KHDRBS2: variants seen among roughly 807,000 people sequenced by gnomAD.
KHDRBS2 encodes KH domain-containing, RNA-binding, signal transduction-associated protein 2.
A neutral mutation model predicts 44.3 loss-of-function variants in KHDRBS2; 26 were observed. The observed-to-expected ratio is 0.59, with a 90% confidence interval of 0.43 to 0.81. The LOEUF is 0.81. KHDRBS2 is among the 40% of genes least tolerant of loss of function. The pLI is 0.00. For missense variants in KHDRBS2, 476 were observed against 433.1 expected (o/e 1.10, Z -0.88); for synonymous variants, 194 against 151.1 (o/e 1.28, Z -2.08).
intron 6 of KHDRBS2, among the ~76,000 whole-genome samples, chr6:61,881,309 CTT>C (rs1333917439): frequency 1.3e-5 from 2 of 151,386 alleles, no homozygotes; most frequent in Non-Finnish European, 2.9e-5. Flanking sequence ...AGTGGTGTGA[CTT>C]TAGTCAGTTA....
At chr6:62,091,234 G>C (rs1181241060) in intron 2 of KHDRBS2, among the ~76,000 whole-genome samples, 1 of 152,062 alleles carries the variant, frequency 6.6e-6, no homozygotes, top group African/African-American at 2.4e-5. Flanking sequence ...AAGCCCAAAG[G>C]TCACTGAGTC....
chr6:61,730,937 C>T (rs1774341193), intron 7 of KHDRBS2, among the ~76,000 whole-genome samples: 1 of 151,964 alleles, frequency 6.6e-6, no homozygotes, highest in Non-Finnish European at 1.5e-5. Flanking sequence ...GTTAAGCTCA[C>T]TTAAATCTCA....
intron 3 of KHDRBS2, among the ~76,000 whole-genome samples, chr6:61,985,185 T>C (rs1375830249): frequency 6.6e-6 from 1 of 152,190 alleles, no homozygotes. Flanking sequence ...ATCAACCTTA[T>C]GAATCTTTAC....
chr6:62,115,624 A>C (rs1224380144), intron 2 of KHDRBS2, among the ~76,000 whole-genome samples: 1 of 152,188 alleles, frequency 6.6e-6, no homozygotes, highest in Non-Finnish European at 1.5e-5. Flanking sequence ...TCCGCAAATG[A>C]TTGCTAAAGG....
At chr6:62,091,048 T>C (rs551378929) in intron 2 of KHDRBS2, among the ~76,000 whole-genome samples, 8 of 152,142 alleles carry the variant, frequency 5.3e-5, no homozygotes, top group Non-Finnish European at 1.0e-4. Context: ...TACTGTTCAT[T>C]GCAACCTAGC....
At chr6:62,004,203 A>G (rs183648233) in intron 3 of KHDRBS2, among the ~76,000 whole-genome samples, 2 of 152,298 alleles carry the variant, frequency 1.3e-5, no homozygotes, top group Admixed American at 6.5e-5. Flanking sequence ...CAAAAAATCC[A>G]TGAATCCAGG....
At chr6:62,017,154 A>G (rs1173656977) in intron 3 of KHDRBS2, among the ~76,000 whole-genome samples, 2 of 152,112 alleles carry the variant, frequency 1.3e-5, no homozygotes, top group Non-Finnish European at 2.9e-5. Context: ...CTTTCTTCCT[A>G]ATCTTCAGAT....
intron 3 of KHDRBS2, among the ~76,000 whole-genome samples, chr6:61,987,281 A>G (rs1420611655): frequency 6.6e-6 from 1 of 152,186 alleles, no homozygotes; most frequent in Non-Finnish European, 1.5e-5. Flanking sequence ...ACAATATGCT[A>G]AATTATATAT....
chr6:62,223,809 C>G (rs1026064491), intron 1 of KHDRBS2, among the ~76,000 whole-genome samples: 2 of 152,150 alleles, frequency 1.3e-5, no homozygotes, highest in East Asian at 1.9e-4. Context: ...CAGTTCCCAA[C>G]AAATTCCTCA....
intron 3 of KHDRBS2, among the ~76,000 whole-genome samples, chr6:62,022,517 G>T (rs542198481): frequency 6.6e-6 from 1 of 151,678 alleles, no homozygotes; most frequent in South Asian, 2.1e-4. Flanking sequence ...CAAATTATTT[G>T]TGTACTATAT....
intron 6 of KHDRBS2, among the ~76,000 whole-genome samples, chr6:61,794,642 G>A (rs558035068): frequency 6.6e-6 from 1 of 152,184 alleles, no homozygotes; most frequent in Admixed American, 6.5e-5. Flanking sequence ...AGTAGTGGAA[G>A]CTCTGCAAAT....
intron 6 of KHDRBS2, among the ~76,000 whole-genome samples, chr6:61,856,974 C>T (rs1796247920): frequency 1.3e-5 from 2 of 152,058 alleles, no homozygotes; most frequent in Non-Finnish European, 2.9e-5. Context: ...AAGACTCTGG[C>T]CTTCCTCACA....
intron 7 of KHDRBS2, among the ~76,000 whole-genome samples, chr6:61,701,463 A>G (rs1483076767): frequency 6.6e-6 from 1 of 151,968 alleles, no homozygotes; most frequent in African/African-American, 2.4e-5. Flanking sequence ...CTTTGCTACC[A>G]TATATGACCC....
At chr6:61,587,108 A>T in the KHDRBS2 span, among the ~76,000 whole-genome samples, 2 of 152,096 alleles carry the variant, frequency 1.3e-5, no homozygotes, top group Admixed American at 6.6e-5. Context: ...TCCCCCACCA[A>T]CACTCTGTGC....
intron 2 of KHDRBS2, among the ~76,000 whole-genome samples, chr6:62,066,176 T>C (rs925138985): frequency 2.6e-5 from 4 of 151,756 alleles, no homozygotes; most frequent in Admixed American, 1.3e-4. Flanking sequence ...ACAGTCCTAA[T>C]CTTAATTATA....
At chr6:61,812,499 G>C (rs1310135805) in intron 6 of KHDRBS2, among the ~76,000 whole-genome samples, 1 of 151,972 alleles carries the variant, frequency 6.6e-6, no homozygotes, top group Non-Finnish European at 1.5e-5. Flanking sequence ...TATTAAATAA[G>C]TGAACCAAAG....
At chr6:61,569,182 A>T in the KHDRBS2 span, among the ~76,000 whole-genome samples, 1 of 152,062 alleles carries the variant, frequency 6.6e-6, no homozygotes, top group African/African-American at 2.4e-5. Flanking sequence ...CCTCTGGAAC[A>T]TAACTCCATG....
intron 6 of KHDRBS2, among the ~76,000 whole-genome samples, chr6:61,757,973 C>G (rs765862498): frequency 6.6e-6 from 1 of 152,088 alleles, no homozygotes; most frequent in Non-Finnish European, 1.5e-5. Flanking sequence ...TTATTTATTC[C>G]CATACAGGTA....
chr6:62,079,719 G>A (rs943077933), intron 2 of KHDRBS2, among the ~76,000 whole-genome samples: 1 of 152,028 alleles, frequency 6.6e-6, no homozygotes, highest in African/African-American at 2.4e-5. Context: ...AATATAATTA[G>A]AGAAATATTA....
Sources: gnomAD v4.1 joint callset for allele counts (sites outside exome capture counted in the v4.1 genomes callset) on GRCh38, gnomAD v4.1.1 for gene constraint, MANE v1.5 for transcripts, NCBI Gene and HGNC (gene_info 2026-07-23, HGNC 2026-07-21) for gene names.